MEI4: variants seen among roughly 807,000 people sequenced by gnomAD.
The protein encoded by MEI4 is meiosis-specific protein MEI4.
A neutral mutation model predicts 31.4 loss-of-function variants in MEI4; 27 were observed. The ratio of observed to expected loss-of-function variants is 0.86; its 90% CI spans 0.63 to 1.19. The LOEUF (loss-of-function observed/expected upper bound fraction) is 1.19, where lower values mean the gene tolerates loss of function less well. Ranked by LOEUF, MEI4 falls within the 50% of genes most tolerant of loss-of-function variation. The pLI, the probability that MEI4 is intolerant of heterozygous loss-of-function variation, is 0.00. For synonymous variants in MEI4, 122 were observed against 145.4 expected (o/e 0.84, Z 1.16); for missense variants, 329 against 398.9 (o/e 0.82, Z 1.49).
chr6:77,743,086 A>G (rs1410324543), intron 2 of MEI4, among the ~76,000 whole-genome samples: 2 of 152,084 alleles, frequency 1.3e-5, no homozygotes, highest in Non-Finnish European at 2.9e-5. Context: ...TTGGCTTAGG[A>G]TTGACTTGGC....
At chr6:77,893,325 G>A (rs759311362) in intron 4 of MEI4, among the ~76,000 whole-genome samples, 7 of 152,136 alleles carry the variant, frequency 4.6e-5, no homozygotes, top group African/African-American at 9.6e-5. Context: ...ATTATTTTCC[G>A]TGCATTTAAG....
At chr6:77,741,606 T>C (rs1386908409) in intron 2 of MEI4, among the ~76,000 whole-genome samples, 1 of 152,172 alleles carries the variant, frequency 6.6e-6, no homozygotes, top group Non-Finnish European at 1.5e-5. Flanking sequence ...AACATCATTC[T>C]GTGTGTTTTT....
intron 2 of MEI4, among the ~76,000 whole-genome samples, chr6:77,728,839 T>G (rs980736348): frequency 6.6e-6 from 1 of 152,138 alleles, no homozygotes; most frequent in Non-Finnish European, 1.5e-5. Context: ...TTCCAGTGGG[T>G]AGGACTTTCA....
chr6:77,708,828 A>T (rs1003359259), intron 2 of MEI4, among the ~76,000 whole-genome samples: 3 of 152,172 alleles, frequency 2.0e-5, no homozygotes, highest in African/African-American at 7.2e-5. Flanking sequence ...TGCTGTCATG[A>T]TTATAAAGTT....
intron 3 of MEI4, among the ~76,000 whole-genome samples, chr6:77,808,921 T>G (rs1010755748): frequency 3.3e-5 from 5 of 152,138 alleles, no homozygotes; most frequent in African/African-American, 9.7e-5. Context: ...AATTCTGGAA[T>G]GTGGGCCATT....
intron 4 of MEI4, among the ~76,000 whole-genome samples, chr6:77,871,900 A>G (rs886554932): frequency 1.3e-5 from 2 of 152,080 alleles, no homozygotes; most frequent in African/African-American, 4.8e-5. Flanking sequence ...AGTCCTAGAT[A>G]CCATTAGGAC....
chr6:77,732,285 T>G lies in MEI4; in HGVS notation c.233-28845T>G, dbSNP rs184832382. On this transcript the variant is annotated intron_variant, in intron 2 of 4. Transcript: ENST00000684080. ...GCATGGAATGTTCTTCCATTTGTTT[T>G]TATCCTCTTTTATTTCCTTGAGCAG... 4.0e-3 allele frequency among the ~76,000 whole-genome samples: 606 copies of G among 152,060 alleles called. 9 individuals carry two copies. The highest frequency in any genetic ancestry group is 0.014 in the African/African-American group (562 of 41,374).
chr6:77,719,476 A>AGGT, intron 2 of MEI4, among the ~76,000 whole-genome samples: 1 of 53,220 alleles, frequency 1.9e-5, no homozygotes, highest in South Asian at 4.8e-4. Context: ...GGCAAATAGG[A>AGGT]TAACGATACC....
At chr6:77,664,018 A>G (rs1039608279) in intron 1 of MEI4, among the ~76,000 whole-genome samples, 17 of 152,344 alleles carry the variant, frequency 1.1e-4, no homozygotes, top group Non-Finnish European at 2.4e-4. Flanking sequence ...CGGCACATGT[A>G]GCAAGCTCCT....
chr6:77,729,265 C>G (rs1484869346), intron 2 of MEI4, among the ~76,000 whole-genome samples: 3 of 152,140 alleles, frequency 2.0e-5, no homozygotes, highest in Middle Eastern at 3.2e-3. Flanking sequence ...TACTGGAACT[C>G]TAAGCATGTG....
intron 4 of MEI4, among the ~76,000 whole-genome samples, chr6:77,886,238 T>C (rs1376866632): frequency 6.6e-6 from 1 of 152,124 alleles, no homozygotes; most frequent in Admixed American, 6.5e-5. Context: ...AGAATTCATG[T>C]TAGTTCTTCT....
chr6:77,662,060 C>T (rs1206868455), intron 1 of MEI4, among the ~76,000 whole-genome samples: 1 of 152,100 alleles, frequency 6.6e-6, no homozygotes, highest in East Asian at 1.9e-4. Flanking sequence ...AGTGAGGAAA[C>T]CTCTTTCAGC....
At chr6:77,911,317 A>G (rs959100595) in intron 4 of MEI4, among the ~76,000 whole-genome samples, 3 of 151,852 alleles carry the variant, frequency 2.0e-5, no homozygotes, top group African/African-American at 4.8e-5. Context: ...TCTAACTTTT[A>G]CTTTAGCTTC....
chr6:77,771,781 A>G (rs566603251), intron 3 of MEI4, among the ~76,000 whole-genome samples: 1 of 152,112 alleles, frequency 6.6e-6, no homozygotes, highest in South Asian at 2.1e-4. Context: ...ACTGGATCCT[A>G]CTGTATGGTG....
chr6:77,842,402 C>A (rs1770386895), intron 4 of MEI4, among the ~76,000 whole-genome samples: 3 of 151,872 alleles, frequency 2.0e-5, no homozygotes, highest in Non-Finnish European at 4.4e-5. Context: ...TTTTGTAAGG[C>A]AGTAATAATT....
chr6:77,910,743 C>G (rs903801934), intron 4 of MEI4, among the ~76,000 whole-genome samples: 1 of 151,970 alleles, frequency 6.6e-6, no homozygotes, highest in Non-Finnish European at 1.5e-5. Flanking sequence ...ATGCAGGTAT[C>G]CTTTTGAGAT....
chr6:77,861,726 G>C (rs557465546), intron 4 of MEI4, among the ~76,000 whole-genome samples: 1 of 152,246 alleles, frequency 6.6e-6, no homozygotes, highest in East Asian at 1.9e-4. Context: ...ATGAACTTAA[G>C]CAAGTTAAAT....
At chr6:77,663,637 C>T (rs1562196635) in intron 1 of MEI4, among the ~76,000 whole-genome samples, 2 of 152,078 alleles carry the variant, frequency 1.3e-5, no homozygotes, top group African/African-American at 2.4e-5. Context: ...GCCTGGCTGT[C>T]AATACCCACA....
chr6:77,671,896 A>G (rs1407069617), intron 1 of MEI4, among the ~76,000 whole-genome samples: 2 of 152,186 alleles, frequency 1.3e-5, no homozygotes, highest in Non-Finnish European at 2.9e-5. Context: ...GAAACATGCT[A>G]CCTGCCTAGA....
Sources: gnomAD v4.1 joint callset for allele counts (sites outside exome capture counted in the v4.1 genomes callset) on GRCh38, gnomAD v4.1.1 for gene constraint, MANE v1.5 for transcripts, NCBI Gene and HGNC (gene_info 2026-07-23, HGNC 2026-07-21) for gene names.